YIF1A: variants seen among roughly 807,000 people sequenced by gnomAD.
The protein encoded by YIF1A is Yip1 interacting factor homolog A, membrane trafficking protein, also known as protein YIF1A.
A neutral mutation model predicts 32.6 loss-of-function variants in YIF1A; 28 were observed. That is an observed-to-expected ratio of 0.86 (90% CI 0.64 to 1.18). The LOEUF (loss-of-function observed/expected upper bound fraction) is 1.18, where lower values mean the gene tolerates loss of function less well. Ranked by LOEUF, YIF1A falls within the 50% of genes most tolerant of loss-of-function variation. The pLI is 0.00. For missense variants in YIF1A, 373 were observed against 390.8 expected, an observed-to-expected ratio of 0.95 and a Z score of 0.38; for synonymous variants, 175 against 162.2, an observed-to-expected ratio of 1.08 and a Z score of -0.60.
In YIF1A at chr11:66,288,989, C is replaced by A; in HGVS notation, c.-4G>T. 6.3e-7 allele frequency: 1 copy of A among 1,578,508 alleles called. No homozygotes were observed. ...CGTAGCCCGAGTGATAAGCCATGGC[C>A]GCGACGCTCGCTGTCCCCGAGGGCC... On this transcript the variant is annotated 5_prime_UTR_variant, in exon 1 of 8. Transcript: ENST00000376901.
Position 66,289,091 on chromosome 11 carries a change from C to G in YIF1A, c.-106G>C, listed in dbSNP as rs1857414213. On this transcript the variant is annotated 5_prime_UTR_variant, in exon 1 of 8. Coordinates refer to ENST00000376901, the MANE Select transcript of YIF1A (RefSeq NM_020470.3). ...CAGGGTACCGACCGAGGCCACCCGG[C>G]CGCGCGACACGTCCCCCACCCCGCC... 1 of 1,410,246 alleles carries G rather than the reference C, an allele frequency of 7.1e-7. No individual in the cohort carries two copies. The highest frequency in any genetic ancestry group is 9.3e-7 in the Non-Finnish European group (1 of 1,076,192). The allele number at this position is 1,410,246 out of a possible 1,614,324, so 87.4% of individuals were successfully genotyped here. A position where few individuals can be genotyped will look rare whatever the true frequency, so the allele number is the denominator to read the frequency against.
rs1857410550 is a variant in YIF1A, at chr11:66,288,955, C to T, written c.31G>A (p.Gly11Ser). MAYHSGYGAH[G>S]SKHRARAAPD... ...CGCGCCCCGCCCGCGCCCCACGCAC[C>T]GTGGGCTCCGTAGCCCGAGTGATAA... The change falls in exon 1 of 8, where the codon GGC becomes AGC. Residue 11 changes from glycine (G) to serine (S), a missense_variant and splice_region_variant. Coordinates refer to ENST00000376901, the MANE Select transcript of YIF1A (RefSeq NM_020470.3). 1 of 1,549,092 alleles carries T rather than the reference C, an allele frequency of 6.5e-7. No individual in the cohort carries two copies. Among genetic ancestry groups the T allele is most frequent in the Non-Finnish European group, 8.6e-7 (1 of 1,157,176 alleles).
chr11:66,285,104 C>T, intron 6 of YIF1A, 138 bp from the exon 7 acceptor site: 2 of 987,676 alleles, frequency 2.0e-6, no homozygotes, highest in Non-Finnish European at 3.0e-6. Context: ...CACAGGGACC[C>T]AGACCCCAAA....
intron 2 of YIF1A, 47 bp downstream of exon 2, chr11:66,288,034 G>A (rs1857388530): frequency 6.2e-7 from 1 of 1,609,858 alleles, no homozygotes; most frequent in Non-Finnish European, 8.5e-7. Flanking sequence ...TGATGCCCCA[G>A]CCCTAGCCAA....
At position 66,285,523 on chromosome 11, in the gene YIF1A, C is replaced by A; in HGVS notation, c.499G>T (p.Val167Leu). 1 of 1,613,068 alleles carries A rather than the reference C, an allele frequency of 6.2e-7. No individual in the cohort carries two copies. Among genetic ancestry groups the A allele is most frequent in the South Asian group, 1.1e-5 (1 of 91,080 alleles). The part of the protein sequence containing the change: ...LGIQKRFSPE[V>L]LGLCASTALV... ...GCTGTGCTTGCACACAGGCCCAGCA[C>A]CTCCGGGGAGAACCTGCGCCAAAGC... Residue 167 changes from valine to leucine, a missense_variant, in exon 6 of 8, where the codon GTG (valine) becomes TTG (leucine). By Grantham distance (32) the Val-to-Leu change is conservative. Transcript: ENST00000376901.
rs766232684 is a variant in YIF1A, at chr11:66,288,905, C to T, written c.31+50G>A. The T allele has an allele frequency of 3.6e-4, 523 of 1,444,800 alleles. 1 individual carries two copies. The highest frequency in any genetic ancestry group is 3.5e-4 in the Non-Finnish European group (389 of 1,111,472). The allele number at this position is 1,444,800 out of a possible 1,614,324, so 89.5% of individuals were successfully genotyped here. A position where few individuals can be genotyped will look rare whatever the true frequency, so the allele number is the denominator to read the frequency against. ...CCCTCGGGGTGAGCGGGCCACGCCGCCGACTCTCCCCCCGCCGGCCGCGCC... is the reference window on the plus strand; with the variant it reads ...CCCTCGGGGTGAGCGGGCCACGCCGTCGACTCTCCCCCCGCCGGCCGCGCC... On this transcript the variant is annotated intron_variant, in intron 1 of 7. Transcript: ENST00000376901.
chr11:66,288,922 G>C (rs1025367317), intron 1 of YIF1A, 33 bp downstream of exon 1: 9 of 1,464,210 alleles, frequency 6.1e-6, no homozygotes, highest in Middle Eastern at 2.3e-4. Flanking sequence ...TCCCCCCGCC[G>C]GCCGCGCCGC....
intron 4 of YIF1A, chr11:66,286,978 A>T (rs897723509): frequency 6.4e-6 from 1 of 155,928 alleles, no homozygotes; most frequent in African/African-American, 2.4e-5. Flanking sequence ...TGTGCAGCCA[A>T]CAGGACAGAG....
At position 66,288,262 on chromosome 11, in the gene YIF1A, T is replaced by A. The variant is rs778543415; in HGVS notation, c.62A>T (p.Asp21Val). Residue 21 changes from aspartate to valine, a missense_variant, in exon 2 of 8, where the codon GAT becomes GTT. Physicochemically the swap from Asp to Val is radical, Grantham distance 152. Coordinates refer to ENST00000376901, the MANE Select transcript of YIF1A (RefSeq NM_020470.3). ...GSKHRARAAP[D>V]PPPLFDDTSG... The stretch of plus-strand genomic sequence containing the variant: ...TGTGTCATCGAAGAGGGGAGGGGGA[T>A]CCGGGGCTGCCCGGGCCCTGTGCTT... The A allele has an allele frequency of 6.2e-7, 1 of 1,614,042 alleles. No homozygotes were observed. The highest frequency in any genetic ancestry group is 8.5e-7 in the Non-Finnish European group (1 of 1,180,018).
At position 66,288,099 on chromosome 11, in the gene YIF1A, C is replaced by T. The variant is rs758461799; in HGVS notation, c.225G>A (p.Lys75=). The T allele has an allele frequency of 1.5e-5, 24 of 1,613,810 alleles. No individual in the cohort carries two copies. The highest frequency in any genetic ancestry group is 1.7e-4 in the Middle Eastern group (1 of 5,888). The change falls in exon 2 of 8, where the codon AAG becomes AAA. Residue 75 remains lysine (K), a synonymous_variant. Transcript: ENST00000376901. The part of the protein sequence containing the change: ...AYGSSIASHG[K]DMVHKELHRF... ...GCCACACCTCCTTGTGCACCATGTCCTTCCCATGGGATGCGATGGAGCTGC... is the reference window on the plus strand; with the variant it reads ...GCCACACCTCCTTGTGCACCATGTCTTTCCCATGGGATGCGATGGAGCTGC...
At chr11:66,287,973 C>G (rs926622391) in intron 2 of YIF1A, 57 bp from the exon 3 acceptor site, 3 of 1,605,890 alleles carry the variant, frequency 1.9e-6, no homozygotes, top group Non-Finnish European at 2.6e-6. Flanking sequence ...CAGGGTGCCC[C>G]TCTGTGTGCT....
rs746052941 is a variant in YIF1A, at chr11:66,288,956, G to C, written c.30C>G (p.His10Gln). The C allele has an allele frequency of 1.9e-6, 3 of 1,549,948 alleles. No individual in the cohort carries two copies. The highest frequency in any genetic ancestry group is 1.9e-5 in the Admixed American group (1 of 53,204). Residue 10 changes from histidine (H) to glutamine (Q), a missense_variant and splice_region_variant, in exon 1 of 8, where the codon CAC becomes CAG. By Grantham distance (24) the His-to-Gln change is conservative (BLOSUM62 0). Coordinates refer to ENST00000376901, the MANE Select transcript of YIF1A (RefSeq NM_020470.3). MAYHSGYGA[H>Q]GSKHRARAAP... Reference sequence around the variant, plus strand: ...GCGCCCCGCCCGCGCCCCACGCACCGTGGGCTCCGTAGCCCGAGTGATAAG... The same window carrying C: ...GCGCCCCGCCCGCGCCCCACGCACCCTGGGCTCCGTAGCCCGAGTGATAAG...
chr11:66,285,911 G>T (rs1354819608), intron 4 of YIF1A, among the ~76,000 whole-genome samples, 153 bp from the exon 5 acceptor site: 2 of 152,182 alleles, frequency 1.3e-5, no homozygotes, highest in Admixed American at 1.3e-4. Context: ...GCCCTGCCTG[G>T]AATGCCTGTC....
At chr11:66,287,525 C>G in intron 4 of YIF1A, 73 bp downstream of exon 4, 1 of 1,488,314 alleles carries the variant, frequency 6.7e-7, no homozygotes, top group Admixed American at 2.0e-5. Flanking sequence ...CCTCTCTTCC[C>G]ATTCATCCCT....
chr11:66,284,743 ATGCTGTCGGGGCCCAGGGC>A lies in YIF1A; in HGVS notation c.757_775del (p.Ala253TrpfsTer14). The A allele has an allele frequency of 6.2e-7, 1 of 1,612,210 alleles. No homozygotes were observed. Among genetic ancestry groups the A allele is most frequent in the Non-Finnish European group, 8.5e-7 (1 of 1,179,720 alleles). ...ACGCTGCCGGGGGACGGGGCCCCCC[ATGCTGTCGGGGCCCAGGGC>A]TGCTGTCCGCAAAGAGCGCACCTGG... On this transcript the variant is annotated frameshift_variant, in exon 8 of 8. Coordinates refer to ENST00000376901, the MANE Select transcript of YIF1A (RefSeq NM_020470.3). LOFTEE classifies it high-confidence loss of function.
At chr11:66,286,499 C>G (rs1857358859) in intron 4 of YIF1A, among the ~76,000 whole-genome samples, 1 of 152,216 alleles carries the variant, frequency 6.6e-6, no homozygotes, top group African/African-American at 2.4e-5. Flanking sequence ...CGCCTGTAGC[C>G]TGCAGTCCCA....
Position 66,285,451 on chromosome 11 carries a change from A to G in YIF1A, c.571T>C (p.Tyr191His). 1.9e-6 allele frequency: 3 copies of G among 1,613,378 alleles called. No homozygotes were observed. Among genetic ancestry groups the G allele is most frequent in the Non-Finnish European group, 2.5e-6 (3 of 1,180,020 alleles). Residue 191 changes from tyrosine (Y) to histidine (H), a missense_variant, in exon 6 of 8, where the codon TAC becomes CAC. Physicochemically the swap from Tyr to His is moderately conservative, Grantham distance 83. Coordinates refer to ENST00000376901, the MANE Select transcript of YIF1A (RefSeq NM_020470.3). ...MEVLALLLGL[Y>H]LATVRSDLST... ...AGGTCACTGCGCACGGTGGCCAGGTAGAGGCCCAGGAGCAGGGCCAGCACC... is the reference window on the plus strand; with the variant it reads ...AGGTCACTGCGCACGGTGGCCAGGTGGAGGCCCAGGAGCAGGGCCAGCACC...
At chr11:66,287,465 T>C (rs181383564) in intron 4 of YIF1A, 133 bp downstream of exon 4, 1 of 1,092,888 alleles carries the variant, frequency 9.2e-7, no homozygotes, top group Admixed American at 2.1e-5. Context: ...GTCTTGCAAC[T>C]GCCACACATA....
At position 66,284,861 on chromosome 11, in the gene YIF1A, C is replaced by A; in HGVS notation, c.735+12G>T. On this transcript the variant is annotated intron_variant, in intron 7 of 7. Transcript: ENST00000376901. ...GTGAAGGCAGGGGAATGGGGGGGTG[C>A]ACCAGACTCACAATGAAGTACATGA... 1 of 1,612,986 alleles carries A rather than the reference C, an allele frequency of 6.2e-7. No homozygotes were observed. Among genetic ancestry groups the A allele is most frequent in the Non-Finnish European group, 8.5e-7 (1 of 1,179,924 alleles).
Sources: allele counts gnomAD v4.1 joint callset (sites outside exome capture counted in the v4.1 genomes callset), GRCh38; gene constraint gnomAD v4.1.1; transcripts MANE v1.5; gene names NCBI Gene and HGNC (gene_info 2026-07-23, HGNC 2026-07-21).